MXI1: variants seen among roughly 807,000 people sequenced by gnomAD.
MXI1 encodes the protein max-interacting protein 1.
Under a neutral mutation model 36.9 loss-of-function variants are expected in MXI1, and 18 were observed. The ratio of observed to expected loss-of-function variants is 0.49; its 90% confidence interval spans 0.34 to 0.72. The LOEUF is 0.72. Among genes scored for constraint, MXI1 ranks in the 30% least tolerant of loss-of-function variants. MXI1 has a pLI of 0.01. For missense variants in MXI1, 304 were observed against 379.1 expected, an observed-to-expected ratio of 0.80 and a Z score of 1.64; for synonymous variants, 160 against 146.7, an observed-to-expected ratio of 1.09 and a Z score of -0.65.
chr10:110,228,421 A>T (rs111835482), intron 2 of MXI1, 100 bp downstream of exon 2: 93,573 of 1,422,992 alleles, frequency 0.066, 3,795 homozygotes, highest in Middle Eastern at 0.15. Flanking sequence ...GGGTTCCTTT[A>T]CCACTACCCT....
At chr10:110,227,337 G>A in intron 1 of MXI1, 1 of 985,320 alleles carries the variant, frequency 1.0e-6, no homozygotes, top group Non-Finnish European at 1.2e-6. Context: ...TGCGTGGGGA[G>A]GTGTGTGTGC....
intron 3 of MXI1, among the ~76,000 whole-genome samples, chr10:110,256,129 A>C (rs1029740993): frequency 2.6e-5 from 4 of 152,220 alleles, no homozygotes; most frequent in Admixed American, 6.5e-5. Context: ...TTGGATCCCT[A>C]CCTCACACCA....
intron 3 of MXI1, among the ~76,000 whole-genome samples, chr10:110,252,700 T>C (rs1418779191): frequency 6.6e-6 from 1 of 152,114 alleles, no homozygotes; most frequent in African/African-American, 2.4e-5. Context: ...CCCTAGCACA[T>C]AGCAGTCATT....
chr10:110,241,132 C>T (rs780764339), intron 2 of MXI1, among the ~76,000 whole-genome samples: 6 of 151,932 alleles, frequency 3.9e-5, no homozygotes, highest in Non-Finnish European at 8.8e-5. Context: ...ATAATGACTC[C>T]CATTCAAATA....
At position 110,286,388 on chromosome 10, in the gene MXI1, T is replaced by TC. The variant is rs2134489026; in HGVS notation, c.*1404dup. The TC allele has an allele frequency of 6.6e-6, 1 of 152,504 alleles. No individual in the cohort carries two copies. The highest frequency in any genetic ancestry group is 2.4e-5 in the African/African-American group (1 of 41,476). 9.4% of individuals were successfully genotyped at this position (152,504 alleles called of 1,614,324 possible). ...CCCTTTGTCTTTCAAACTCCAAGGT[T>TC]CCCTTGTGGCCCTCTCCCTTACCCT... On this transcript the variant is annotated 3_prime_UTR_variant, in exon 6 of 6. Transcript: ENST00000332674.
chr10:110,217,686 A>G (rs1411925267), intron 1 of MXI1, among the ~76,000 whole-genome samples: 2 of 152,222 alleles, frequency 1.3e-5, no homozygotes, highest in Non-Finnish European at 2.9e-5. Context: ...CCTGCCAGGG[A>G]GCCAAGCTCT....
intron 3 of MXI1, among the ~76,000 whole-genome samples, chr10:110,249,638 A>C (rs574546125): frequency 6.6e-6 from 1 of 152,014 alleles, no homozygotes; most frequent in South Asian, 2.1e-4. Context: ...GAAACTCACT[A>C]GTGGTCTATG....
chr10:110,258,618 CTG>C (rs2134424061), intron 3 of MXI1, among the ~76,000 whole-genome samples: 1 of 152,134 alleles, frequency 6.6e-6, no homozygotes, highest in South Asian at 2.1e-4. Context: ...ATACTGAAAA[CTG>C]TAGACCAACT....
intron 3 of MXI1, among the ~76,000 whole-genome samples, chr10:110,274,832 A>G (rs67762893): frequency 0.13 from 19,014 of 149,116 alleles, 2,451 homozygotes; most frequent in East Asian, 0.58. Context: ...GAAAAACATC[A>G]TCATATGATA....
At chr10:110,266,976 C>G (rs181086212) in intron 3 of MXI1, among the ~76,000 whole-genome samples, 1 of 152,110 alleles carries the variant, frequency 6.6e-6, no homozygotes, top group Admixed American at 6.5e-5. Context: ...TACTTTTATC[C>G]TGAAGTAACT....
Position 110,280,104 on chromosome 10 carries a change from C to T in MXI1, c.724+19C>T. On this transcript the variant is annotated intron_variant, in intron 5 of 5. Transcript: ENST00000332674. Reference sequence around the variant, plus strand: ...GAGCGAGGTAGGCAGCTTGCCTCTTCTCTAATGAAATACTAAACATCTCTG... The same window carrying T: ...GAGCGAGGTAGGCAGCTTGCCTCTTTTCTAATGAAATACTAAACATCTCTG... 1 of 1,561,244 alleles carries T rather than the reference C, an allele frequency of 6.4e-7. No homozygotes were observed.
intron 3 of MXI1, among the ~76,000 whole-genome samples, chr10:110,260,514 T>C (rs1355840976): frequency 6.7e-6 from 1 of 148,542 alleles, no homozygotes; most frequent in Non-Finnish European, 1.5e-5. Context: ...CACACACACA[T>C]GAAATGAAAG....
At chr10:110,227,108 T>G (rs1408480747) in intron 1 of MXI1, among the ~76,000 whole-genome samples, 1 of 23,744 alleles carries the variant, frequency 4.2e-5, no homozygotes, top group Non-Finnish European at 7.5e-5. Context: ...TGCGTGTGTG[T>G]GAGGGCAGGG....
At chr10:110,273,589 G>A (rs554637342) in intron 3 of MXI1, among the ~76,000 whole-genome samples, 2 of 151,792 alleles carry the variant, frequency 1.3e-5, no homozygotes, top group East Asian at 3.9e-4. Flanking sequence ...TGTAGGAAAA[G>A]TAGCTAGCTG....
At chr10:110,216,663 A>ATTTTTTTTTT (rs1166044480) in intron 1 of MXI1, among the ~76,000 whole-genome samples, 1 of 39,446 alleles carries the variant, frequency 2.5e-5, no homozygotes, top group African/African-American at 2.3e-4. Context: ...TCTGTGTTTA[A>ATTTTTTTTTT]TGTTTTTTTT....
chr10:110,214,990 C>T (rs1300513335), intron 1 of MXI1, among the ~76,000 whole-genome samples: 3 of 150,342 alleles, frequency 2.0e-5, no homozygotes, highest in Non-Finnish European at 4.4e-5. Flanking sequence ...GCCTCCTGAA[C>T]CATTCTTCTC....
intron 3 of MXI1, among the ~76,000 whole-genome samples, chr10:110,248,996 A>G (rs1192676593): frequency 6.6e-6 from 1 of 152,156 alleles, no homozygotes; most frequent in East Asian, 1.9e-4. Flanking sequence ...GCACAGGAAT[A>G]TTTTTAAAAT....
intron 1 of MXI1, among the ~76,000 whole-genome samples, chr10:110,210,863 G>A (rs564809409): frequency 3.3e-5 from 5 of 152,204 alleles, no homozygotes; most frequent in East Asian, 1.9e-4. Flanking sequence ...GGGCACTGCG[G>A]GTCGCTCGGC....
intron 1 of MXI1, among the ~76,000 whole-genome samples, chr10:110,225,567 A>G (rs1247968481): frequency 6.6e-6 from 1 of 152,208 alleles, no homozygotes; most frequent in African/African-American, 2.4e-5. Context: ...CACATAAGTT[A>G]CATGAGAAAG....
Sources: allele counts gnomAD v4.1 joint callset (sites outside exome capture counted in the v4.1 genomes callset), GRCh38; gene constraint gnomAD v4.1.1; transcripts MANE v1.5; gene names NCBI Gene and HGNC (gene_info 2026-07-23, HGNC 2026-07-21).